Variants in PPM1H observed in about 807,000 individuals in gnomAD.
PPM1H encodes the protein protein phosphatase, Mg2+/Mn2+ dependent 1H.
A neutral mutation model predicts 54.9 loss-of-function variants in PPM1H; 27 were observed. That is an observed-to-expected ratio of 0.49 (90% CI 0.36 to 0.68). PPM1H has a LOEUF of 0.68. PPM1H is among the 30% of genes least tolerant of loss of function. The pLI is 0.00. For missense variants in PPM1H, 596 were observed against 667.8 expected, an observed-to-expected ratio of 0.89 and a Z score of 1.19; for synonymous variants, 305 against 270.8, an observed-to-expected ratio of 1.13 and a Z score of -1.24.
At chr12:62,685,361 C>A (rs1055642529) in intron 8 of PPM1H, among the ~76,000 whole-genome samples, 1 of 152,174 alleles carries the variant, frequency 6.6e-6, no homozygotes, top group Non-Finnish European at 1.5e-5. Flanking sequence ...CTCATCAGAG[C>A]CCCTTGAACC....
At chr12:62,677,669 C>T (rs1430601863) in intron 8 of PPM1H, among the ~76,000 whole-genome samples, 1 of 152,176 alleles carries the variant, frequency 6.6e-6, no homozygotes, top group Non-Finnish European at 1.5e-5. Flanking sequence ...GGCATGGGGT[C>T]TGGGCCAGTA....
intron 3 of PPM1H, among the ~76,000 whole-genome samples, chr12:62,797,066 T>G (rs2076738469): frequency 6.6e-6 from 1 of 152,110 alleles, no homozygotes; most frequent in Admixed American, 6.5e-5. Context: ...AGACAGAATA[T>G]CATAATATCA....
At chr12:62,820,317 G>C (rs1592616450) in intron 2 of PPM1H, among the ~76,000 whole-genome samples, 1 of 152,360 alleles carries the variant, frequency 6.6e-6, no homozygotes, top group South Asian at 2.1e-4. Flanking sequence ...CCCCACCTCT[G>C]AGGGCAGGGC....
intron 2 of PPM1H, among the ~76,000 whole-genome samples, chr12:62,804,408 T>C (rs2076792170): frequency 6.6e-6 from 1 of 152,132 alleles, no homozygotes; most frequent in Non-Finnish European, 1.5e-5. Flanking sequence ...TTTGAGCAAT[T>C]TGAGCATGAT....
chr12:62,766,137 C>A (rs2076542037), intron 4 of PPM1H, among the ~76,000 whole-genome samples: 1 of 151,986 alleles, frequency 6.6e-6, no homozygotes, highest in Non-Finnish European at 1.5e-5. Flanking sequence ...GGATTGATGA[C>A]AGAAGGGGTG....
At position 62,734,827 on chromosome 12, in the gene PPM1H, G is replaced by A. The variant is rs911090609; in HGVS notation, c.954+2675C>T. On this transcript the variant is annotated intron_variant, in intron 5 of 9. Coordinates refer to ENST00000228705, the MANE Select transcript of PPM1H (RefSeq NM_020700.2). Reference sequence around the variant, plus strand: ...GGAGGCTGAGGTGAGAGGATTGCTTGAGCCCAGGAGTTTAAGACCAGCCCT... The same window carrying A: ...GGAGGCTGAGGTGAGAGGATTGCTTAAGCCCAGGAGTTTAAGACCAGCCCT... 1.6e-4 allele frequency among the ~76,000 whole-genome samples: 25 copies of A among 152,292 alleles called. 1 individual carries two copies. The Middle Eastern group carries it at 0.01, about 62-fold the overall frequency.
chr12:62,871,576 G>A (rs925566392), intron 1 of PPM1H, among the ~76,000 whole-genome samples: 1 of 145,950 alleles, frequency 6.9e-6, no homozygotes, highest in Non-Finnish European at 1.5e-5. Flanking sequence ...GGGTACTGGT[G>A]CCATCTTGGC....
At chr12:62,902,636 C>A (rs1341038346) in intron 1 of PPM1H, among the ~76,000 whole-genome samples, 1 of 152,156 alleles carries the variant, frequency 6.6e-6, no homozygotes, top group African/African-American at 2.4e-5. Flanking sequence ...TTGGACAAGT[C>A]ATTTAATCTC....
intron 8 of PPM1H, among the ~76,000 whole-genome samples, chr12:62,674,654 A>C (rs1481639348): frequency 6.6e-6 from 1 of 152,238 alleles, no homozygotes; most frequent in Non-Finnish European, 1.5e-5. Flanking sequence ...AGGCAAAATC[A>C]CTTTATTCAT....
chr12:62,748,130 C>A (rs905994141), intron 4 of PPM1H, among the ~76,000 whole-genome samples: 2 of 152,060 alleles, frequency 1.3e-5, no homozygotes, highest in African/African-American at 4.8e-5. Context: ...GTAATCCCAG[C>A]ACTTTGGGAA....
chr12:62,777,056 C>A (rs1218328221), intron 4 of PPM1H, among the ~76,000 whole-genome samples: 4 of 152,066 alleles, frequency 2.6e-5, no homozygotes, highest in Non-Finnish European at 5.9e-5. Flanking sequence ...ACAAAATGAC[C>A]CCAAGTGCCA....
At chr12:62,701,399 G>A (rs2120379689) in intron 6 of PPM1H, among the ~76,000 whole-genome samples, 1 of 152,290 alleles carries the variant, frequency 6.6e-6, no homozygotes, top group South Asian at 2.1e-4. Context: ...AGCAGTTATA[G>A]GACTTCTCCA....
intron 1 of PPM1H, among the ~76,000 whole-genome samples, chr12:62,911,729 C>A (rs1286353629): frequency 6.6e-6 from 1 of 152,246 alleles, no homozygotes; most frequent in Admixed American, 6.5e-5. Context: ...CTACTGCATG[C>A]CCATCATCTA....
chr12:62,734,168 G>T, intron 5 of PPM1H, among the ~76,000 whole-genome samples: 1 of 147,106 alleles, frequency 6.8e-6, no homozygotes, highest in South Asian at 2.2e-4. Flanking sequence ...AAAAAAAAAA[G>T]ACGGCTGCCT....
chr12:62,720,044 C>T, intron 6 of PPM1H, 127 bp downstream of exon 6: 1 of 786,926 alleles, frequency 1.3e-6, no homozygotes, highest in Non-Finnish European at 2.1e-6. Context: ...ACCCCCTTGT[C>T]TTTTACCACA....
At chr12:62,743,751 TGACA>T (rs1376282683) in intron 4 of PPM1H, among the ~76,000 whole-genome samples, 13 of 151,960 alleles carry the variant, frequency 8.6e-5, no homozygotes, top group African/African-American at 3.1e-4. Context: ...ATTAGGCAAC[TGACA>T]GAAGGAAAAA....
intron 1 of PPM1H, among the ~76,000 whole-genome samples, chr12:62,841,834 T>A (rs894702410): frequency 6.6e-6 from 1 of 152,212 alleles, no homozygotes; most frequent in Non-Finnish European, 1.5e-5. Context: ...CAAAAGAAGA[T>A]ATAATGTTGC....
At chr12:62,813,409 C>G (rs2076847128) in intron 2 of PPM1H, among the ~76,000 whole-genome samples, 1 of 152,204 alleles carries the variant, frequency 6.6e-6, no homozygotes, top group Non-Finnish European at 1.5e-5. Flanking sequence ...CGGGATGACA[C>G]TGGCGCCCTC....
rs146031257 is a variant in PPM1H at position 62,692,303 on chromosome 12, G to C, written c.1137+1633C>G. ...AGAACTTGCCACCTGCCCATCGCAA[G>C]ACCATCAAGCTTAAATTACCTGAAA... On this transcript the variant is annotated intron_variant, in intron 7 of 9. Transcript: ENST00000228705. Among the ~76,000 whole-genome samples the C allele has an allele frequency of 4.8e-3, 730 of 152,298 alleles. 4 individuals are homozygous for C. Among genetic ancestry groups the C allele is most frequent in the African/African-American group, 0.017 (696 of 41,554 alleles).
Sources: gnomAD v4.1 joint callset for allele counts (sites outside exome capture counted in the v4.1 genomes callset) on GRCh38, gnomAD v4.1.1 for gene constraint, MANE v1.5 for transcripts, NCBI Gene and HGNC (gene_info 2026-07-23, HGNC 2026-07-21) for gene names.